ASIC2: variants seen among roughly 807,000 people sequenced by gnomAD.
ASIC2 encodes the protein acid-sensing ion channel 2.
In ASIC2, 25 loss-of-function variants were observed where a neutral mutation model predicts 57.3. The ratio of observed to expected loss-of-function variants is 0.44; its 90% CI spans 0.32 to 0.61. The LOEUF is 0.61. Among genes scored for constraint, ASIC2 ranks in the 20% least tolerant of loss-of-function variants. ASIC2 has a pLI of 0.06. For missense variants in ASIC2, 641 were observed against 738.1 expected (o/e 0.87, Z 1.52); for synonymous variants, 319 against 307.5 (o/e 1.04, Z -0.39).
intron 1 of ASIC2, among the ~76,000 whole-genome samples, chr17:33,594,190 T>A (rs908577760): frequency 3.3e-5 from 5 of 152,370 alleles, no homozygotes; most frequent in Admixed American, 6.5e-5. Context: ...AGTGCTGGCA[T>A]TCTGCCCTAT....
chr17:33,259,272 C>T (rs1013366383), intron 1 of ASIC2, among the ~76,000 whole-genome samples: 4 of 152,190 alleles, frequency 2.6e-5, no homozygotes, highest in Admixed American at 2.6e-4. Context: ...TATTAGGCCT[C>T]CATCGCTGGT....
At chr17:33,407,874 A>C (rs1490499409) in intron 1 of ASIC2, among the ~76,000 whole-genome samples, 1 of 152,212 alleles carries the variant, frequency 6.6e-6, no homozygotes, top group East Asian at 1.9e-4. Flanking sequence ...ATCAAATGCC[A>C]GGCCAGGACA....
intron 1 of ASIC2, among the ~76,000 whole-genome samples, chr17:33,884,580 G>T (rs1914782362): frequency 6.6e-6 from 1 of 152,040 alleles, no homozygotes; most frequent in Non-Finnish European, 1.5e-5. Flanking sequence ...CCTTGGAGCA[G>T]CTTCAGCATT....
intron 1 of ASIC2, among the ~76,000 whole-genome samples, chr17:33,163,756 C>T (rs892199907): frequency 2.0e-5 from 3 of 152,058 alleles, no homozygotes; most frequent in Admixed American, 6.6e-5. Context: ...GTAATATATC[C>T]GATGATGTTA....
chr17:33,408,823 G>A (rs1910557180), intron 1 of ASIC2, among the ~76,000 whole-genome samples: 1 of 152,180 alleles, frequency 6.6e-6, no homozygotes, highest in East Asian at 1.9e-4. Flanking sequence ...AGTGGGGAAC[G>A]AGGGGAGCCA....
intron 1 of ASIC2, among the ~76,000 whole-genome samples, chr17:33,273,629 G>A (rs2142160267): frequency 6.6e-6 from 1 of 152,320 alleles, no homozygotes; most frequent in Non-Finnish European, 1.5e-5. Context: ...AACAATAACA[G>A]CCAAAGTTCC....
chr17:33,789,145 G>T, intron 1 of ASIC2, among the ~76,000 whole-genome samples: 1 of 152,140 alleles, frequency 6.6e-6, no homozygotes, highest in Middle Eastern at 3.2e-3. Context: ...GGCCTTCCCA[G>T]AAGTCAAACT....
rs138882075 is a variant in ASIC2 at position 33,147,436 on chromosome 17, G to A, written c.709-35369C>T. On this transcript the variant is annotated intron_variant, in intron 1 of 9. Transcript: ENST00000225823. Reference sequence around the variant, plus strand: ...TACTTAAGTCTAGAAAGACAGGTGGGCTGATGTTGTCTTACTCAATAGAAA... The same window carrying A: ...TACTTAAGTCTAGAAAGACAGGTGGACTGATGTTGTCTTACTCAATAGAAA... 4.8e-4 allele frequency among the ~76,000 whole-genome samples: 73 copies of A among 152,302 alleles called. 1 individual carries two copies. In the East Asian group the frequency reaches 0.013, roughly 28 times the overall value.
At chr17:33,618,968 T>C (rs1905691873) in intron 1 of ASIC2, among the ~76,000 whole-genome samples, 1 of 152,166 alleles carries the variant, frequency 6.6e-6, no homozygotes, top group Non-Finnish European at 1.5e-5. Context: ...GCCCAAAATA[T>C]CTCCTGTGTG....
chr17:34,085,688 AG>A (rs1910088733), intron 1 of ASIC2, among the ~76,000 whole-genome samples: 1 of 151,968 alleles, frequency 6.6e-6, no homozygotes, highest in African/African-American at 2.4e-5. Context: ...TTGGTTGGTA[AG>A]CTATTGATTA....
intron 1 of ASIC2, among the ~76,000 whole-genome samples, chr17:33,144,839 T>A (rs1904490511): frequency 6.6e-6 from 1 of 152,146 alleles, no homozygotes; most frequent in Non-Finnish European, 1.5e-5. Flanking sequence ...TCCAGAAAAC[T>A]CACTCTCCTG....
At chr17:33,462,161 C>T (rs557828247) in intron 1 of ASIC2, among the ~76,000 whole-genome samples, 11 of 152,182 alleles carry the variant, frequency 7.2e-5, no homozygotes, top group Non-Finnish European at 1.3e-4. Context: ...GCAAAGGTGA[C>T]AATTGGGATT....
rs115576318 is a variant in ASIC2, at chr17:33,090,899, A to G, written c.860-1909T>C. On this transcript the variant is annotated intron_variant, in intron 2 of 9. Transcript: ENST00000225823. Reference sequence around the variant, plus strand: ...TAGACAAGGAGACCCTCAGCCAGGAATCCTTTTGGATATGGTTCATGGAGT... The same window carrying G: ...TAGACAAGGAGACCCTCAGCCAGGAGTCCTTTTGGATATGGTTCATGGAGT... 7.8e-3 allele frequency among the ~76,000 whole-genome samples: 1,189 copies of G among 152,280 alleles called. 23 individuals are homozygous for G. The highest frequency in any genetic ancestry group is 0.027 in the African/African-American group (1,117 of 41,544).
chr17:33,607,171 T>TC (rs1905252438), intron 1 of ASIC2, among the ~76,000 whole-genome samples: 1 of 152,046 alleles, frequency 6.6e-6, no homozygotes, highest in Non-Finnish European at 1.5e-5. Context: ...TGAGCATGTT[T>TC]TAGGGAGCAG....
chr17:34,034,425 CG>C (rs1472663367), intron 1 of ASIC2, among the ~76,000 whole-genome samples: 1 of 152,076 alleles, frequency 6.6e-6, no homozygotes, highest in Admixed American at 6.6e-5. Context: ...GGCAAAAACT[CG>C]AAGCATTCCC....
chr17:33,151,795 C>T lies in ASIC2; in HGVS notation c.709-39728G>A, dbSNP rs569204843. The stretch of plus-strand genomic sequence containing the variant: ...CAGATGCAGGCTCTTCGACCTTGGA[C>T]TTCCCAGCCGCGGAACTGTAAGAAA... On this transcript the variant is annotated intron_variant, in intron 1 of 9. Coordinates refer to ENST00000225823, the MANE Select transcript of ASIC2 (RefSeq NM_183377.2). 2.6e-5 allele frequency among the ~76,000 whole-genome samples: 4 copies of T among 152,314 alleles called. No individual in the cohort carries two copies. The South Asian group carries it at 6.2e-4, about 24-fold the overall frequency.
chr17:33,050,552 G>A (rs978718619), intron 3 of ASIC2, among the ~76,000 whole-genome samples: 2 of 152,150 alleles, frequency 1.3e-5, no homozygotes, highest in African/African-American at 2.4e-5. Context: ...GGAAGAAATC[G>A]TAAGCAATAT....
chr17:33,133,435 G>A (rs1306449405), intron 1 of ASIC2, among the ~76,000 whole-genome samples: 1 of 152,178 alleles, frequency 6.6e-6, no homozygotes, highest in Non-Finnish European at 1.5e-5. Context: ...ACTGAAGGCT[G>A]GGTAAAGGCC....
chr17:33,043,835 T>G (rs2091939155), intron 3 of ASIC2, among the ~76,000 whole-genome samples: 1 of 152,162 alleles, frequency 6.6e-6, no homozygotes, highest in Admixed American at 6.5e-5. Flanking sequence ...GATGCCCTCC[T>G]CCTGCCCTGG....
Sources: gnomAD v4.1 joint callset for allele counts (sites outside exome capture counted in the v4.1 genomes callset) on GRCh38, gnomAD v4.1.1 for gene constraint, MANE v1.5 for transcripts, NCBI Gene and HGNC (gene_info 2026-07-23, HGNC 2026-07-21) for gene names.